GBE1: variants seen among roughly 807,000 people sequenced by gnomAD.
GBE1 encodes the protein 1,4-alpha-glucan branching enzyme 1, also known as 1,4-alpha-glucan-branching enzyme.
Under a neutral mutation model 88.8 loss-of-function variants are expected in GBE1, and 70 were observed. The ratio of observed to expected loss-of-function variants is 0.79; its 90% CI spans 0.65 to 0.96. The LOEUF (loss-of-function observed/expected upper bound fraction) is 0.96. GBE1 is among the 40% of genes least tolerant of loss of function. GBE1 has a pLI of 0.00. For synonymous variants in GBE1, 284 were observed against 300.1 expected (o/e 0.95, Z 0.56); for missense variants, 872 against 871.0 (o/e 1.00, Z -0.01).
intron 8 of GBE1, among the ~76,000 whole-genome samples, chr3:81,593,104 T>C (rs891348985): frequency 6.6e-6 from 1 of 152,158 alleles, no homozygotes; most frequent in East Asian, 1.9e-4. Flanking sequence ...GGCTCACTCC[T>C]GCAATCCCAG....
At chr3:81,702,951 T>C (rs1705721876) in intron 2 of GBE1, among the ~76,000 whole-genome samples, 1 of 152,042 alleles carries the variant, frequency 6.6e-6, no homozygotes, top group Non-Finnish European at 1.5e-5. Context: ...CCCTTTCCTA[T>C]ATTTTTATGT....
At chr3:81,641,128 A>C (rs1485433758) in intron 7 of GBE1, among the ~76,000 whole-genome samples, 1 of 152,140 alleles carries the variant, frequency 6.6e-6, no homozygotes, top group Non-Finnish European at 1.5e-5. Context: ...CCATCCACTT[A>C]ATGTATTTCT....
chr3:81,668,740 C>T (rs1705148757), intron 3 of GBE1, among the ~76,000 whole-genome samples: 2 of 152,084 alleles, frequency 1.3e-5, no homozygotes, highest in South Asian at 4.1e-4. Flanking sequence ...ATGTTTATTA[C>T]AGTGATTCTC....
intron 7 of GBE1, among the ~76,000 whole-genome samples, chr3:81,615,803 T>G (rs1225404162): frequency 1.3e-5 from 2 of 152,334 alleles, no homozygotes; most frequent in South Asian, 4.1e-4. Flanking sequence ...GGAGTGCAAC[T>G]GCTTGCTGGC....
chr3:81,558,301 C>T (rs981510169), intron 12 of GBE1, among the ~76,000 whole-genome samples: 14 of 151,908 alleles, frequency 9.2e-5, no homozygotes, highest in African/African-American at 3.4e-4. Context: ...ATGCTTACTG[C>T]TGATATTGCA....
chr3:81,760,347 G>A (rs561345398), intron 1 of GBE1, among the ~76,000 whole-genome samples: 2 of 152,192 alleles, frequency 1.3e-5, no homozygotes, highest in Non-Finnish European at 2.9e-5. Context: ...CAAACAATTT[G>A]CTGGGCTTTT....
chr3:81,647,123 T>C (rs1047921174), intron 5 of GBE1, among the ~76,000 whole-genome samples: 7 of 151,860 alleles, frequency 4.6e-5, no homozygotes, highest in Non-Finnish European at 1.0e-4. Context: ...TCCCTGGCTA[T>C]TTTTTTGTAT....
intron 1 of GBE1, among the ~76,000 whole-genome samples, chr3:81,728,864 G>A (rs1480550120): frequency 6.6e-6 from 1 of 151,580 alleles, no homozygotes; most frequent in African/African-American, 2.4e-5. Context: ...AGTGTTCAAA[G>A]TCTATCAAGT....
At chr3:81,667,980 T>C (rs1705136885) in intron 3 of GBE1, among the ~76,000 whole-genome samples, 1 of 152,130 alleles carries the variant, frequency 6.6e-6, no homozygotes, top group South Asian at 2.1e-4. Context: ...CTAATGCCCA[T>C]CAATGATAAA....
intron 7 of GBE1, among the ~76,000 whole-genome samples, chr3:81,631,481 A>G (rs1405685525): frequency 2.0e-5 from 3 of 152,122 alleles, no homozygotes; most frequent in Non-Finnish European, 4.4e-5. Flanking sequence ...TCACACCTGT[A>G]ATCCCAGCAC....
intron 7 of GBE1, among the ~76,000 whole-genome samples, chr3:81,599,578 G>A (rs1383397553): frequency 2.0e-5 from 3 of 152,024 alleles, no homozygotes; most frequent in Admixed American, 6.6e-5. Context: ...GTAATGCAAG[G>A]GTAAGTATTT....
intron 14 of GBE1, among the ~76,000 whole-genome samples, chr3:81,506,356 C>T (rs1464144176): frequency 1.3e-5 from 2 of 152,026 alleles, no homozygotes; most frequent in Non-Finnish European, 2.9e-5. Context: ...CAAAGAGACA[C>T]CATCTCACAC....
chr3:81,678,190 A>ATGTT (rs1705290069), intron 2 of GBE1, among the ~76,000 whole-genome samples: 1 of 152,214 alleles, frequency 6.6e-6, no homozygotes, highest in Non-Finnish European at 1.5e-5. Context: ...CCTGTATGAC[A>ATGTT]TGTTATTGTA....
chr3:81,612,287 G>A, intron 7 of GBE1: 1 of 781,738 alleles, frequency 1.3e-6, no homozygotes, highest in Non-Finnish European at 2.0e-6. Flanking sequence ...CTTCCTGCTG[G>A]CTTTATTCTG....
chr3:81,608,326 G>A (rs548313213), intron 7 of GBE1, among the ~76,000 whole-genome samples: 11 of 152,114 alleles, frequency 7.2e-5, no homozygotes, highest in South Asian at 2.1e-4. Context: ...TTAAATCCAC[G>A]GTGCTTCTTC....
chr3:81,601,419 T>A (rs1559658736), intron 7 of GBE1, among the ~76,000 whole-genome samples: 1 of 152,178 alleles, frequency 6.6e-6, no homozygotes, highest in Non-Finnish European at 1.5e-5. Flanking sequence ...TTCTTGTTTT[T>A]GGCAATTGTC....
chr3:81,632,884 G>A (rs974626548), intron 7 of GBE1, among the ~76,000 whole-genome samples: 20 of 152,254 alleles, frequency 1.3e-4, no homozygotes, highest in African/African-American at 3.8e-4. Flanking sequence ...GCTGCTGCAC[G>A]TAAATGGCCT....
chr3:81,528,235 GA>G (rs1220594681), intron 14 of GBE1, among the ~76,000 whole-genome samples: 1 of 118,688 alleles, frequency 8.4e-6, no homozygotes, highest in African/African-American at 3.1e-5. Context: ...GAGGAGGGGG[GA>G]GGGGGGAGGG....
chr3:81,755,241 G>A (rs1396625205), intron 1 of GBE1, among the ~76,000 whole-genome samples: 1 of 152,082 alleles, frequency 6.6e-6, no homozygotes, highest in African/African-American at 2.4e-5. Context: ...AATCATCACA[G>A]AAATGCAAAT....
Sources: allele counts gnomAD v4.1 joint callset (sites outside exome capture counted in the v4.1 genomes callset), GRCh38; gene constraint gnomAD v4.1.1; transcripts MANE v1.5; gene names NCBI Gene and HGNC (gene_info 2026-07-23, HGNC 2026-07-21).